The following EHBP1 variants were observed in gnomAD, a reference collection of about 807,000 sequenced individuals.
EHBP1 encodes the protein EH domain binding protein 1.
A neutral mutation model predicts 144.0 loss-of-function variants in EHBP1; 55 were observed. The ratio of observed to expected loss-of-function variants is 0.38; its 90% CI spans 0.31 to 0.48. The LOEUF is 0.48. EHBP1 is among the 20% of genes least tolerant of loss of function. The pLI is 0.98. For missense variants in EHBP1, 1,200 were observed against 1,364.2 expected, an observed-to-expected ratio of 0.88 and a Z score of 1.90; for synonymous variants, 469 against 472.7, an observed-to-expected ratio of 0.99 and a Z score of 0.10.
At chr2:62,835,239 T>G (rs2047121704) in intron 7 of EHBP1, among the ~76,000 whole-genome samples, 1 of 152,210 alleles carries the variant, frequency 6.6e-6, no homozygotes, top group Non-Finnish European at 1.5e-5. Context: ...TCAACTGATA[T>G]ACTTAAATGT....
At chr2:62,866,958 A>G (rs909604468) in intron 9 of EHBP1, among the ~76,000 whole-genome samples, 2 of 152,206 alleles carry the variant, frequency 1.3e-5, no homozygotes, top group African/African-American at 4.8e-5. Flanking sequence ...GAAGACAATG[A>G]GGTGATATTC....
intron 5 of EHBP1, among the ~76,000 whole-genome samples, chr2:62,804,242 G>A (rs914094709): frequency 6.6e-6 from 1 of 152,194 alleles, no homozygotes; most frequent in African/African-American, 2.4e-5. Flanking sequence ...GCTGCAAAGA[G>A]CTTTGCTATG....
At chr2:62,695,014 C>A (rs1242106235) in intron 1 of EHBP1, among the ~76,000 whole-genome samples, 1 of 152,082 alleles carries the variant, frequency 6.6e-6, no homozygotes, top group Non-Finnish European at 1.5e-5. Flanking sequence ...ATGAGGAAAA[C>A]GCCCAGCAGA....
intron 1 of EHBP1, among the ~76,000 whole-genome samples, chr2:62,699,367 G>A (rs1177090484): frequency 6.6e-6 from 1 of 152,184 alleles, no homozygotes; most frequent in Non-Finnish European, 1.5e-5. Context: ...GATTTTATAG[G>A]AGATGAATTT....
intron 1 of EHBP1, chr2:62,706,292 C>T (rs2034562926): frequency 6.6e-6 from 1 of 152,498 alleles, no homozygotes. Flanking sequence ...GTCATTGCTT[C>T]ACCCCCAGGC....
rs9749939 is a variant in EHBP1, at chr2:63,030,410, C to T, written c.3104-7125C>T. The stretch of plus-strand genomic sequence containing the variant: ...TAATATTTAGCTATATATATATATA[C>T]ACACACACACACACACACATTTAAA... On this transcript the variant is annotated intron_variant, in intron 19 of 22. Transcript: ENST00000431489. 2.8e-3 allele frequency among the ~76,000 whole-genome samples: 420 copies of T among 148,614 alleles called. 2 individuals carry two copies. Among genetic ancestry groups the T allele is most frequent in the African/African-American group, 9.0e-3 (364 of 40,432 alleles).
intron 5 of EHBP1, among the ~76,000 whole-genome samples, chr2:62,774,127 T>C (rs1038041805): frequency 6.6e-6 from 1 of 151,936 alleles, no homozygotes; most frequent in Non-Finnish European, 1.5e-5. Context: ...TCCCAGCACT[T>C]TGGGAGGCCA....
chr2:63,024,488 G>C (rs1237765987), intron 19 of EHBP1, among the ~76,000 whole-genome samples: 5 of 151,842 alleles, frequency 3.3e-5, no homozygotes, highest in Middle Eastern at 3.4e-3. Flanking sequence ...TGTGGTCCCA[G>C]CTACTCAGGA....
chr2:63,029,670 G>C (rs113270725), intron 19 of EHBP1, among the ~76,000 whole-genome samples: 229 of 152,198 alleles, frequency 1.5e-3, no homozygotes, highest in Non-Finnish European at 2.5e-3. Flanking sequence ...GGTTTAGAGA[G>C]TTTCAATAAT....
chr2:62,957,183 T>C (rs1001782961), intron 14 of EHBP1, among the ~76,000 whole-genome samples: 2 of 152,206 alleles, frequency 1.3e-5, no homozygotes, highest in Non-Finnish European at 2.9e-5. Flanking sequence ...AATGCAAGAT[T>C]GTTTAATTTT....
chr2:62,806,640 G>C (rs542602672), intron 5 of EHBP1, among the ~76,000 whole-genome samples: 3 of 152,192 alleles, frequency 2.0e-5, no homozygotes, highest in African/African-American at 7.2e-5. Context: ...GGGATTACAG[G>C]TGTGAGCCAC....
At chr2:62,978,496 C>T (rs1263024043) in intron 14 of EHBP1, among the ~76,000 whole-genome samples, 10 of 152,098 alleles carry the variant, frequency 6.6e-5, no homozygotes, top group African/African-American at 1.9e-4. Flanking sequence ...CCACCGTGCC[C>T]AGCCAATAAT....
At chr2:62,729,429 A>G (rs1313740266) in intron 2 of EHBP1, among the ~76,000 whole-genome samples, 1 of 97,202 alleles carries the variant, frequency 1.0e-5, no homozygotes, top group East Asian at 2.3e-4. Flanking sequence ...AATATAATAT[A>G]ATAATAATAA....
At chr2:62,803,797 T>C (rs2044228488) in intron 5 of EHBP1, among the ~76,000 whole-genome samples, 1 of 152,198 alleles carries the variant, frequency 6.6e-6, no homozygotes, top group South Asian at 2.1e-4. Context: ...ACGTTCAAAT[T>C]TGTGTCTTTT....
chr2:62,976,691 C>G (rs995665712), intron 14 of EHBP1, among the ~76,000 whole-genome samples: 1 of 152,106 alleles, frequency 6.6e-6, no homozygotes, highest in East Asian at 1.9e-4. Flanking sequence ...CAAATGCTTT[C>G]ATGGATTCCT....
chr2:62,749,051 T>C (rs1199440570), intron 3 of EHBP1, among the ~76,000 whole-genome samples: 1 of 152,192 alleles, frequency 6.6e-6, no homozygotes, highest in East Asian at 1.9e-4. Context: ...TTGTTACATA[T>C]GTATACATGT....
At chr2:62,854,293 T>A (rs561291339) in intron 7 of EHBP1, among the ~76,000 whole-genome samples, 1 of 152,258 alleles carries the variant, frequency 6.6e-6, no homozygotes, top group Admixed American at 6.5e-5. Flanking sequence ...ATGCATTTTT[T>A]AAAAGTTTCA....
chr2:63,013,523 C>G (rs534792953), intron 19 of EHBP1, among the ~76,000 whole-genome samples: 53 of 152,196 alleles, frequency 3.5e-4, no homozygotes, highest in Admixed American at 1.6e-3. Context: ...TGAAACCCCC[C>G]CAAAAGACAA....
intron 10 of EHBP1, among the ~76,000 whole-genome samples, chr2:62,929,629 G>A (rs1335372430): frequency 6.6e-6 from 1 of 152,132 alleles, no homozygotes; most frequent in African/African-American, 2.4e-5. Flanking sequence ...ATATTCAATA[G>A]TGAAAGACTT....
Sources: gnomAD v4.1 joint callset for allele counts (sites outside exome capture counted in the v4.1 genomes callset) on GRCh38, gnomAD v4.1.1 for gene constraint, MANE v1.5 for transcripts, NCBI Gene and HGNC (gene_info 2026-07-23, HGNC 2026-07-21) for gene names.